The following DENND2A variants were observed in gnomAD, a reference collection of about 807,000 sequenced individuals.
The protein encoded by DENND2A is DENN domain containing 2A.
A neutral mutation model predicts 105.3 loss-of-function variants in DENND2A; 53 were observed. The ratio of observed to expected loss-of-function variants is 0.50; its 90% CI spans 0.40 to 0.63. DENND2A has a LOEUF of 0.63. Ranked by LOEUF, DENND2A falls within the 30% of genes least tolerant of loss-of-function variation. The pLI is 0.00. For synonymous variants in DENND2A, 522 were observed against 508.4 expected (o/e 1.03, Z -0.36); for missense variants, 1,138 against 1,279.6 (o/e 0.89, Z 1.69).
At chr7:140,541,921 C>T (rs867408745) in intron 14 of DENND2A, among the ~76,000 whole-genome samples, 1 of 152,242 alleles carries the variant, frequency 6.6e-6, no homozygotes, top group Non-Finnish European at 1.5e-5. Context: ...GGCCGCTTCC[C>T]GCCCCGCCTC....
intron 9 of DENND2A, among the ~76,000 whole-genome samples, chr7:140,562,178 G>A (rs1797643762): frequency 2.6e-5 from 4 of 151,254 alleles, no homozygotes; most frequent in Admixed American, 6.6e-5. Flanking sequence ...GTGAGCCACC[G>A]CGCCCGGCCC....
rs269245 is a variant in DENND2A at position 140,606,186 on chromosome 7, G to A, written c.-247-380C>T. ...CTCCCCAGTAGCTGGGATTACAGGT[G>A]TGCACCACCACCCCGGCTAATGTTT... On this transcript the variant is annotated intron_variant, in intron 1 of 19. Coordinates refer to ENST00000496613, the MANE Select transcript of DENND2A (RefSeq NM_015689.5). 4.8e-3 allele frequency among the ~76,000 whole-genome samples: 721 copies of A among 150,376 alleles called. 3 individuals carry two copies. The highest frequency in any genetic ancestry group is 0.015 in the African/African-American group (607 of 39,846).
chr7:140,535,097 T>C (rs1182360233), intron 14 of DENND2A, among the ~76,000 whole-genome samples: 2 of 152,154 alleles, frequency 1.3e-5, no homozygotes, highest in Non-Finnish European at 2.9e-5. Flanking sequence ...CTCAGCTGGC[T>C]TCCAACTCTC....
intron 14 of DENND2A, among the ~76,000 whole-genome samples, chr7:140,535,740 C>T (rs375802664): frequency 3.3e-5 from 5 of 152,158 alleles, no homozygotes; most frequent in African/African-American, 1.2e-4. Context: ...TGCCACCATG[C>T]CCAGCTAATT....
intron 6 of DENND2A, among the ~76,000 whole-genome samples, chr7:140,573,513 G>A (rs555004018): frequency 4.6e-5 from 7 of 152,254 alleles, no homozygotes; most frequent in African/African-American, 1.4e-4. Context: ...TTTTTGTGGC[G>A]GTGAAGGAAG....
chr7:140,577,657 C>G (rs949560811), intron 5 of DENND2A, among the ~76,000 whole-genome samples: 1 of 152,128 alleles, frequency 6.6e-6, no homozygotes, highest in East Asian at 1.9e-4. Context: ...TGTGGCCTCC[C>G]AAAGTGCTGG....
chr7:140,594,469 G>A (rs551335418), intron 3 of DENND2A, among the ~76,000 whole-genome samples: 1 of 152,090 alleles, frequency 6.6e-6, no homozygotes, highest in Non-Finnish European at 1.5e-5. Context: ...GCTGGCCCGA[G>A]CGTCACTTCC....
At chr7:140,578,262 C>G (rs1248554500) in intron 5 of DENND2A, among the ~76,000 whole-genome samples, 2 of 152,138 alleles carry the variant, frequency 1.3e-5, no homozygotes, top group East Asian at 3.9e-4. Flanking sequence ...AGCTGTGTGC[C>G]CCATCAGAGG....
At chr7:140,600,296 T>C (rs1799436071) in intron 3 of DENND2A, among the ~76,000 whole-genome samples, 2 of 151,800 alleles carry the variant, frequency 1.3e-5, no homozygotes, top group South Asian at 2.1e-4. Flanking sequence ...ATGCCTCAAT[T>C]TGGGAATCAT....
At chr7:140,603,878 A>C (rs1585738983) in intron 2 of DENND2A, among the ~76,000 whole-genome samples, 3 of 152,370 alleles carry the variant, frequency 2.0e-5, no homozygotes, top group African/African-American at 7.2e-5. Flanking sequence ...GAATATTTCC[A>C]TCACTGAATA....
intron 14 of DENND2A, among the ~76,000 whole-genome samples, chr7:140,542,781 G>A (rs901745099): frequency 2.0e-5 from 3 of 151,828 alleles, no homozygotes; most frequent in African/African-American, 4.8e-5. Context: ...GTTCAGGCTG[G>A]TCTTGACCTT....
chr7:140,611,269 C>A (rs1180242667), intron 1 of DENND2A, among the ~76,000 whole-genome samples: 2 of 152,096 alleles, frequency 1.3e-5, no homozygotes, highest in Non-Finnish European at 2.9e-5. Flanking sequence ...CAGTGGCCCA[C>A]ACCTGTAATC....
chr7:140,538,016 T>A (rs1471285317), intron 14 of DENND2A, among the ~76,000 whole-genome samples: 1 of 152,224 alleles, frequency 6.6e-6, no homozygotes, highest in African/African-American at 2.4e-5. Flanking sequence ...CATTCTTTCC[T>A]TTCCATCTGT....
chr7:140,538,221 T>C (rs906530514), intron 14 of DENND2A, among the ~76,000 whole-genome samples: 1 of 152,090 alleles, frequency 6.6e-6, no homozygotes, highest in African/African-American at 2.4e-5. Context: ...AGAGAATAAA[T>C]TGTGTTTGTG....
intron 15 of DENND2A, among the ~76,000 whole-genome samples, chr7:140,526,427 G>T (rs1395826075): frequency 6.6e-6 from 1 of 152,220 alleles, no homozygotes; most frequent in East Asian, 1.9e-4. Flanking sequence ...CCCAGCCAAG[G>T]CCACTGGCCG....
At chr7:140,534,750 A>G (rs1220876982) in intron 14 of DENND2A, among the ~76,000 whole-genome samples, 1 of 152,198 alleles carries the variant, frequency 6.6e-6, no homozygotes, top group Non-Finnish European at 1.5e-5. Context: ...TTTTGAAGGA[A>G]GACATAGAAA....
rs576342376 is a variant in DENND2A at position 140,523,214 on chromosome 7, C to T, written c.2665+93G>A. 1.8e-6 allele frequency: 2 copies of T among 1,135,744 alleles called. No homozygotes were observed. The highest frequency in any genetic ancestry group is 3.0e-5 in the African/African-American group (2 of 65,848). The allele number at this position is 1,135,744 out of a possible 1,614,324, so 70.4% of individuals were successfully genotyped here. On this transcript the variant is annotated intron_variant, in intron 17 of 19. Transcript: ENST00000496613. This position sits in a 1 kb window ranked among gnomAD's most constrained non-coding sequence, Gnocchi z 4.5. ...TTTCTCTCCTTATGTCTCCCTTGCC[C>T]ATATTCCTACTTGGCCCTTGGCCAC...
rs2130439982 is a variant in DENND2A at position 140,518,619 on chromosome 7, T to C, written c.*88A>G. On this transcript the variant is annotated 3_prime_UTR_variant, in exon 20 of 20. Transcript: ENST00000496613. ...CCTCCAGTTCCGCACCGTGACAACC[T>C]GGGACCCAGCCTTTCAGAAAGGCCA... The C allele has an allele frequency of 6.9e-7, 1 of 1,439,366 alleles. No homozygotes were observed. The highest frequency in any genetic ancestry group is 1.2e-5 in the South Asian group (1 of 84,116). 89.2% of individuals were successfully genotyped at this position (1,439,366 alleles called of 1,614,324 possible).
At chr7:140,556,716 T>C (rs781755021) in intron 11 of DENND2A, among the ~76,000 whole-genome samples, 1 of 152,220 alleles carries the variant, frequency 6.6e-6, no homozygotes, top group Non-Finnish European at 1.5e-5. Flanking sequence ...TTATCCATGC[T>C]TTTTATTTTA....
Sources: gnomAD v4.1 joint callset for allele counts (sites outside exome capture counted in the v4.1 genomes callset) on GRCh38, gnomAD v4.1.1 for gene constraint, Gnocchi (gnomAD v3.1) non-coding constraint, MANE v1.5 for transcripts, NCBI Gene and HGNC (gene_info 2026-07-23, HGNC 2026-07-21) for gene names.